The following SGSM1 variants were observed in gnomAD, a reference collection of about 807,000 sequenced individuals.
The protein encoded by SGSM1 is small G protein signaling modulator 1.
A neutral mutation model predicts 133.8 loss-of-function variants in SGSM1; 73 were observed. The observed-to-expected ratio is 0.55, with a 90% CI of 0.45 to 0.66. SGSM1 has a LOEUF of 0.66. Ranked by LOEUF, SGSM1 falls within the 30% of genes least tolerant of loss-of-function variation. The pLI is 0.00. For missense variants in SGSM1, 1,213 were observed against 1,448.1 expected, an observed-to-expected ratio of 0.84 and a Z score of 2.64; for synonymous variants, 563 against 573.0, an observed-to-expected ratio of 0.98 and a Z score of 0.25.
At chr22:24,821,815 C>T (rs1371251287) in intron 2 of SGSM1, among the ~76,000 whole-genome samples, 3 of 152,176 alleles carry the variant, frequency 2.0e-5, no homozygotes, top group African/African-American at 7.2e-5. Context: ...GCAGAAGGTG[C>T]AGAGATTTCC....
Position 24,876,640 on chromosome 22 carries a change from G to A in SGSM1, c.1355G>A (p.Arg452Gln), listed in dbSNP as rs368742437. Residue 452 changes from arginine to glutamine, a missense_variant, in exon 13 of 25, where the codon CGG becomes CAG. Physicochemically the swap from Arg to Gln is conservative, Grantham distance 43 (BLOSUM62 1). Transcript: ENST00000400358. ...NLPSLWQPSPRKSSCSSCSQS... is the reference protein window; with the variant it reads ...NLPSLWQPSPQKSSCSSCSQS... The stretch of plus-strand genomic sequence containing the variant: ...CCATCCCTGTGGCAGCCCAGTCCCC[G>A]GAAGTCCTCCTGTTCATCCTGTTCA... The A allele has an allele frequency of 2.9e-5, 47 of 1,613,838 alleles. No homozygotes were observed. The highest frequency in any genetic ancestry group is 1.7e-4 in the Admixed American group (10 of 59,994).
chr22:24,866,783 G>A (rs373474063), intron 9 of SGSM1, among the ~76,000 whole-genome samples: 17 of 152,188 alleles, frequency 1.1e-4, no homozygotes, highest in Admixed American at 1.0e-3. Flanking sequence ...CACTGTGGCC[G>A]GAACAGTGGG....
intron 23 of SGSM1, 30 bp from the exon 24 acceptor site, chr22:24,919,796 C>A (rs1430188087): frequency 2.5e-6 from 4 of 1,612,412 alleles, no homozygotes; most frequent in Admixed American, 1.7e-5. Context: ...GTCACCAATT[C>A]TCTCCCCATG....
intron 9 of SGSM1, among the ~76,000 whole-genome samples, chr22:24,862,388 G>T (rs1452531998): frequency 6.6e-6 from 1 of 152,090 alleles, no homozygotes; most frequent in Non-Finnish European, 1.5e-5. Context: ...GATCACACAA[G>T]CCCTGAATCT....
At chr22:24,865,906 G>A (rs80305084) in intron 9 of SGSM1, among the ~76,000 whole-genome samples, 2,488 of 151,742 alleles carry the variant, frequency 0.016, 63 homozygotes, top group African/African-American at 0.056. Flanking sequence ...GGAATGGGCG[G>A]CACTAGTACC....
chr22:24,909,620 T>G (rs1021713182), intron 21 of SGSM1, among the ~76,000 whole-genome samples: 2 of 152,020 alleles, frequency 1.3e-5, no homozygotes, highest in African/African-American at 4.8e-5. Context: ...CACATCTGGC[T>G]AATTTTTGTA....
At chr22:24,910,884 G>A (rs1251845154) in intron 21 of SGSM1, among the ~76,000 whole-genome samples, 1 of 152,116 alleles carries the variant, frequency 6.6e-6, no homozygotes, top group South Asian at 2.1e-4. Context: ...GACAGAGGTT[G>A]CAGTGAGCCA....
At chr22:24,896,221 C>A (rs1037508890) in intron 18 of SGSM1, among the ~76,000 whole-genome samples, 1 of 151,618 alleles carries the variant, frequency 6.6e-6, no homozygotes, top group African/African-American at 2.4e-5. Flanking sequence ...GGGGCAGAGA[C>A]AGAAGCTACA....
At chr22:24,822,385 C>A (rs1246402873) in intron 2 of SGSM1, among the ~76,000 whole-genome samples, 1 of 152,168 alleles carries the variant, frequency 6.6e-6, no homozygotes, top group Non-Finnish European at 1.5e-5. Context: ...AGCCACCGCG[C>A]CTGGTCTCAT....
At chr22:24,812,968 T>C (rs1927835887) in intron 2 of SGSM1, among the ~76,000 whole-genome samples, 1 of 152,024 alleles carries the variant, frequency 6.6e-6, no homozygotes, top group South Asian at 2.1e-4. Context: ...ACAAGAAATA[T>C]GTATTAAAGG....
At chr22:24,849,956 A>G (rs2147843521) in intron 4 of SGSM1, among the ~76,000 whole-genome samples, 1 of 152,070 alleles carries the variant, frequency 6.6e-6, no homozygotes, top group Middle Eastern at 3.4e-3. Context: ...CTTGCTTCCC[A>G]AGGGCACTGG....
At chr22:24,886,523 GT>G (rs1489733055) in intron 15 of SGSM1, 76 bp from the exon 16 acceptor site, 63 of 1,509,610 alleles carry the variant, frequency 4.2e-5, no homozygotes, top group Non-Finnish European at 5.4e-5. Flanking sequence ...GGCCAACATG[GT>G]GAAACCCCAT....
intron 3 of SGSM1, among the ~76,000 whole-genome samples, chr22:24,846,373 C>A (rs562979516): frequency 1.4e-3 from 215 of 151,876 alleles, no homozygotes; most frequent in African/African-American, 5.0e-3. Context: ...TACACACATG[C>A]ACATAATTAC....
At chr22:24,892,156 A>G (rs1308539041) in intron 16 of SGSM1, among the ~76,000 whole-genome samples, 1 of 152,096 alleles carries the variant, frequency 6.6e-6, no homozygotes, top group Non-Finnish European at 1.5e-5. Context: ...CCAGGATGGC[A>G]CTGGGAATTG....
chr22:24,884,953 A>T (rs1463467592), intron 15 of SGSM1, among the ~76,000 whole-genome samples: 3 of 147,142 alleles, frequency 2.0e-5, no homozygotes, highest in Non-Finnish European at 4.5e-5. Context: ...GCTTTAGATA[A>T]TTTTTTTTTT....
At chr22:24,886,780 T>A in intron 16 of SGSM1, 52 bp downstream of exon 16, 1 of 1,539,736 alleles carries the variant, frequency 6.5e-7, no homozygotes, top group Non-Finnish European at 8.8e-7. Context: ...AGGAGCCAGA[T>A]ACTGTGGGGC....
intron 21 of SGSM1, 118 bp downstream of exon 21, chr22:24,905,305 G>A: frequency 3.1e-6 from 3 of 972,132 alleles, no homozygotes; most frequent in Non-Finnish European, 3.3e-6. Context: ...TGCTCTGAAG[G>A]CCTGTCTGGT....
chr22:24,807,607 G>A (rs1298651802), intron 2 of SGSM1, among the ~76,000 whole-genome samples: 1 of 152,170 alleles, frequency 6.6e-6, no homozygotes, highest in Non-Finnish European at 1.5e-5. Context: ...CATTGCTGCT[G>A]TGTCTTCATC....
intron 3 of SGSM1, among the ~76,000 whole-genome samples, chr22:24,846,417 T>A (rs1930153833): frequency 6.6e-6 from 1 of 152,146 alleles, no homozygotes. Flanking sequence ...TACATATATA[T>A]GTATTCCCAG....
Sources: gnomAD v4.1 joint callset for allele counts (sites outside exome capture counted in the v4.1 genomes callset) on GRCh38, gnomAD v4.1.1 for gene constraint, MANE v1.5 for transcripts, NCBI Gene and HGNC (gene_info 2026-07-23, HGNC 2026-07-21) for gene names.